PPRC1: variants seen among roughly 807,000 people sequenced by gnomAD.
PPRC1 encodes the protein PPARG related coactivator 1.
A neutral mutation model predicts 132.5 loss-of-function variants in PPRC1; 23 were observed. That is an observed-to-expected ratio of 0.17 (90% CI 0.12 to 0.25). PPRC1 has a LOEUF of 0.25. Among genes scored for constraint, PPRC1 ranks in the 10% least tolerant of loss-of-function variants. The pLI is 1.00. For synonymous variants in PPRC1, 872 were observed against 833.5 expected, an observed-to-expected ratio of 1.05 and a Z score of -0.80; for missense variants, 2,006 against 2,089.1, an observed-to-expected ratio of 0.96 and a Z score of 0.78.
chr10:102,134,640 G>A (rs985802492), intron 1 of PPRC1, among the ~76,000 whole-genome samples: 3 of 152,152 alleles, frequency 2.0e-5, no homozygotes, highest in African/African-American at 7.2e-5. Context: ...GCAAGAATTT[G>A]GGAGCGCTGA....
chr10:102,148,296 G>T lies in PPRC1; in HGVS notation c.4401-76G>T. 6.6e-7 allele frequency: 1 copy of T among 1,518,928 alleles called. No homozygotes were observed. Among genetic ancestry groups the T allele is most frequent in the South Asian group, 1.3e-5 (1 of 79,956 alleles). The allele number at this position is 1,518,928 out of a possible 1,614,324, so 94.1% of individuals were successfully genotyped here. A position where few individuals can be genotyped will look rare whatever the true frequency, so the allele number is the denominator to read the frequency against. On this transcript the variant is annotated intron_variant, in intron 9 of 13. Coordinates refer to ENST00000278070, the MANE Select transcript of PPRC1 (RefSeq NM_015062.5). This position sits in a 1 kb window ranked among gnomAD's most constrained non-coding sequence, Gnocchi z 4.2. ...CCTGAGCTTCCTAAAAGAAAGGCAG[G>T]ACTGGGGCCTGGGTGAGATAAGCAG... is the stretch of plus-strand genomic sequence containing the variant.
intron 8 of PPRC1, among the ~76,000 whole-genome samples, chr10:102,145,567 T>TAA (rs544168412): frequency 1.7e-5 from 2 of 117,356 alleles, no homozygotes; most frequent in Non-Finnish European, 1.8e-5. Flanking sequence ...CAAGACTATC[T>TAA]AAAAAAAAAA....
Position 102,147,323 on chromosome 10 carries a change from C to T in PPRC1, c.4331C>T (p.Ser1444Phe). The T allele has an allele frequency of 6.2e-7, 1 of 1,612,252 alleles. No homozygotes were observed. Among genetic ancestry groups the T allele is most frequent in the South Asian group, 1.1e-5 (1 of 91,088 alleles). Residue 1444 changes from serine (S) to phenylalanine (F), a missense_variant, in exon 9 of 14, where the codon TCC becomes TTC. Transcript: ENST00000278070. ...CGGACTAGCGAAGCATCTTCCTCAT[C>T]CTCATCATCGTCTTCCTCATCCCGA... Reference protein sequence around the residue: ...SNRTSEASSSSSSSSSSSRSR... With the variant: ...SNRTSEASSSFSSSSSSSRSR...
Position 102,143,005 on chromosome 10 carries a change from T to C in PPRC1, c.3497-40T>C, listed in dbSNP as rs765569804. ...TCCTGGGACCTGTGTACTAAGTTGA[T>C]AGGGGCTCGTTTTCAATCCTGTGTT... On this transcript the variant is annotated intron_variant, in intron 5 of 13. Coordinates refer to ENST00000278070, the MANE Select transcript of PPRC1 (RefSeq NM_015062.5). 3.2e-6 allele frequency: 5 copies of C among 1,572,244 alleles called. No homozygotes were observed. In the South Asian group the frequency reaches 5.6e-5, roughly 18 times the overall value.
intron 5 of PPRC1, chr10:102,142,841 C>T (rs1000918684): frequency 3.1e-5 from 14 of 452,884 alleles, no homozygotes; most frequent in Admixed American, 1.8e-4. Context: ...TGTGTGCCAC[C>T]GTGCCTGGCT....
upstream of PPRC1, among the ~76,000 whole-genome samples, chr10:102,131,422 G>T (rs549548461): frequency 2.6e-5 from 4 of 151,568 alleles, no homozygotes; most frequent in African/African-American, 9.7e-5. Flanking sequence ...TCTAAGAAAA[G>T]GTCCAGAAAA....
Position 102,148,613 on chromosome 10 carries a change from A to G in PPRC1, c.4551-15A>G. 1.2e-6 allele frequency: 2 copies of G among 1,614,040 alleles called. No individual in the cohort carries two copies. The highest frequency in any genetic ancestry group is 1.1e-5 in the South Asian group (1 of 91,074). On this transcript the variant is annotated splice_polypyrimidine_tract_variant and intron_variant, in intron 10 of 13. Transcript: ENST00000278070. The surrounding 1 kb of genome is among the most constrained non-coding windows in gnomAD (Gnocchi z 4.2). ...GTCTTATGTTTGGGGGGCTGATGAC[A>G]CCCTCTTTTGTCAGGTACAGCTCTT... is the stretch of plus-strand genomic sequence containing the variant.
chr10:102,133,475 A>C (rs1310369496), intron 1 of PPRC1, among the ~76,000 whole-genome samples: 1 of 151,838 alleles, frequency 6.6e-6, no homozygotes, highest in Non-Finnish European at 1.5e-5. Flanking sequence ...GCTGGGGGTC[A>C]GGGGTTCGGA....
rs1047011292 is a variant in PPRC1 at position 102,138,870 on chromosome 10, C to T, written c.490-9C>T. ...ATAGACTGATCTCAGGTCTTTCTTTCCCTCTTAGCTGCACAAGCTGCTTAC... is the reference window on the plus strand; with the variant it reads ...ATAGACTGATCTCAGGTCTTTCTTTTCCTCTTAGCTGCACAAGCTGCTTAC... On this transcript the variant is annotated splice_polypyrimidine_tract_variant and intron_variant, in intron 3 of 13. Coordinates refer to ENST00000278070, the MANE Select transcript of PPRC1 (RefSeq NM_015062.5). 4.3e-6 allele frequency: 7 copies of T among 1,613,600 alleles called. No individual in the cohort carries two copies. The highest frequency in any genetic ancestry group is 2.2e-5 in the East Asian group (1 of 44,900).
At chr10:102,124,445 C>CCT in the PPRC1 span, among the ~76,000 whole-genome samples, 1 of 151,880 alleles carries the variant, frequency 6.6e-6, no homozygotes, top group Non-Finnish European at 1.5e-5. Flanking sequence ...CTCACTTTAA[C>CCT]CTCCGCCTCC....
upstream of PPRC1, among the ~76,000 whole-genome samples, chr10:102,128,914 A>G (rs2068501709): frequency 7.9e-6 from 1 of 126,578 alleles, no homozygotes; most frequent in Non-Finnish European, 1.6e-5. Flanking sequence ...ATGCCCGGCC[A>G]GCGGCAGTCT....
At position 102,141,850 on chromosome 10, in the gene PPRC1, C is replaced by T. The variant is rs953363259; in HGVS notation, c.3342C>T (p.Pro1114=). The T allele has an allele frequency of 6.2e-7, 1 of 1,614,092 alleles. No homozygotes were observed. The highest frequency in any genetic ancestry group is 1.1e-5 in the South Asian group (1 of 91,068). Residue 1114 remains proline (P), a synonymous_variant, in exon 5 of 14, where the codon CCC becomes CCT. Coordinates refer to ENST00000278070, the MANE Select transcript of PPRC1 (RefSeq NM_015062.5). ...AGACCAGGCCCAGGGAGAAGCCCCC[C>T]TTGCCTGCTACCAAGGCTGTTCCCA... ...TQETRPREKP[P]LPATKAVPTP...
intron 1 of PPRC1, among the ~76,000 whole-genome samples, chr10:102,136,300 G>T (rs891510296): frequency 2.1e-4 from 32 of 151,834 alleles, no homozygotes; most frequent in Admixed American, 9.8e-4. Flanking sequence ...TGTTAGGAGG[G>T]TATATATTGC....
At position 102,139,284 on chromosome 10, in the gene PPRC1, T is replaced by A. The variant is rs1564935662; in HGVS notation, c.776T>A (p.Ile259Asn). ...GAGGTGGCCAGCTTCAGTGGCCAGA[T>A]TCTTGCCGGGGAGCTTGACAACTGT... Reference protein sequence around the residue: ...EEEVASFSGQILAGELDNCVS... With the variant: ...EEEVASFSGQNLAGELDNCVS... Residue 259 changes from isoleucine (I) to asparagine (N), a missense_variant, in exon 5 of 14, where the codon ATT becomes AAT. By Grantham distance (149) the Ile-to-Asn change is moderately radical. Transcript: ENST00000278070. The A allele has an allele frequency of 3.7e-6, 6 of 1,614,080 alleles. No individual in the cohort carries two copies. Among genetic ancestry groups the A allele is most frequent in the Non-Finnish European group, 5.1e-6 (6 of 1,180,044 alleles).
In PPRC1 at chr10:102,141,356, C is replaced by T. The variant is rs775590937; in HGVS notation, c.2848C>T (p.Pro950Ser). 1 of 1,614,002 alleles carries T rather than the reference C, an allele frequency of 6.2e-7. No individual in the cohort carries two copies. Among genetic ancestry groups the T allele is most frequent in the African/African-American group, 1.3e-5 (1 of 74,908 alleles). The change falls in exon 5 of 14, where the codon CCT (proline) becomes TCT (serine). Residue 950 changes from proline to serine, a missense_variant. Pro to Ser is a moderately conservative substitution (Grantham distance 74). This residue lies in a region of PPRC1 where 1,914 missense variants were observed against 1,917.2 expected (regional missense o/e 1.00). Coordinates refer to ENST00000278070, the MANE Select transcript of PPRC1 (RefSeq NM_015062.5). ...AACGGTGCCCCTAGTGTCTGGTACT[C>T]CTGGTGCCTATGCCGTGCCTCCCAC... The part of the protein sequence containing the change: ...PPTVPLVSGT[P>S]GAYAVPPTCS...
chr10:102,124,479 T>A, the PPRC1 span, among the ~76,000 whole-genome samples: 17 of 152,040 alleles, frequency 1.1e-4, no homozygotes, highest in Admixed American at 4.6e-4. Flanking sequence ...TTCTCTTGCC[T>A]CAGCCTCCGG....
the PPRC1 span, among the ~76,000 whole-genome samples, chr10:102,127,862 A>T: frequency 8.5e-4 from 129 of 151,426 alleles, no homozygotes; most frequent in African/African-American, 2.7e-3. Flanking sequence ...TATTTTTTAA[A>T]TTTTTTCTAG....
chr10:102,124,991 C>A, the PPRC1 span, among the ~76,000 whole-genome samples: 1 of 152,086 alleles, frequency 6.6e-6, no homozygotes, highest in Non-Finnish European at 1.5e-5. Flanking sequence ...CTGTGTTGCC[C>A]AGGCTGGACT....
chr10:102,131,829 TA>T (rs2068547625), upstream of PPRC1, among the ~76,000 whole-genome samples: 1 of 152,172 alleles, frequency 6.6e-6, no homozygotes, highest in African/African-American at 2.4e-5. Context: ...AGCTAATTTT[TA>T]AATTTTTGGT....
Sources: gnomAD v4.1 joint callset for allele counts (sites outside exome capture counted in the v4.1 genomes callset) on GRCh38, gnomAD v4.1.1 for gene constraint, gnomAD v4.1.1 regional missense constraint, Gnocchi (gnomAD v3.1) non-coding constraint, MANE v1.5 for transcripts, NCBI Gene and HGNC (gene_info 2026-07-23, HGNC 2026-07-21) for gene names.